Variants in TFDP1 observed in about 807,000 individuals in gnomAD.
The protein encoded by TFDP1 is DRTF1-polypeptide 1.
A neutral mutation model predicts 48.0 loss-of-function variants in TFDP1; 6 were observed. The observed-to-expected ratio is 0.13, with a 90% CI of 0.07 to 0.25. The LOEUF is 0.25. Ranked by LOEUF, TFDP1 falls within the 10% of genes least tolerant of loss-of-function variation. TFDP1 has a pLI of 1.00. For missense variants in TFDP1, 335 were observed against 543.0 expected, an observed-to-expected ratio of 0.62 and a Z score of 3.81; for synonymous variants, 201 against 211.6, an observed-to-expected ratio of 0.95 and a Z score of 0.44.
chr13:113,593,992 G>T (rs562733114), intron 2 of TFDP1, among the ~76,000 whole-genome samples: 43 of 143,822 alleles, frequency 3.0e-4, no homozygotes, highest in African/African-American at 1.1e-3. Flanking sequence ...GCTGTGTGTG[G>T]GTCCTCACCC....
chr13:113,610,696 A>G (rs984395914), intron 2 of TFDP1, among the ~76,000 whole-genome samples: 69 of 152,236 alleles, frequency 4.5e-4, no homozygotes, highest in African/African-American at 1.5e-3. Context: ...TTAACATTCT[A>G]TTGTGAACAT....
intron 3 of TFDP1, among the ~76,000 whole-genome samples, chr13:113,613,513 G>C (rs1370702756): frequency 2.0e-5 from 3 of 152,218 alleles, no homozygotes; most frequent in Non-Finnish European, 4.4e-5. Context: ...ATGTGTCTGT[G>C]TCAATATGTG....
At chr13:113,603,926 C>T (rs986819376) in intron 2 of TFDP1, among the ~76,000 whole-genome samples, 1 of 151,982 alleles carries the variant, frequency 6.6e-6, no homozygotes, top group African/African-American at 2.4e-5. Flanking sequence ...CTAGGCCAGG[C>T]GTGGTAGCTT....
In TFDP1 at chr13:113,634,047, C is replaced by G; in HGVS notation, c.618+14C>G. 1.9e-6 allele frequency: 3 copies of G among 1,614,144 alleles called. No individual in the cohort carries two copies. The highest frequency in any genetic ancestry group is 1.1e-5 in the South Asian group (1 of 91,082). On this transcript the variant is annotated intron_variant, in intron 7 of 11. Coordinates refer to ENST00000375370, the MANE Select transcript of TFDP1 (RefSeq NM_007111.5). ...CAGAACTTAGAGGTGCCCCTTCAGC[C>G]TTCCTTCAACCTTGATTTCCCTTCA...
intron 4 of TFDP1, among the ~76,000 whole-genome samples, chr13:113,624,935 GTC>G (rs1173232118): frequency 7.5e-6 from 1 of 133,704 alleles, no homozygotes; most frequent in Non-Finnish European, 1.6e-5. Flanking sequence ...TTTCTCAGGT[GTC>G]TCTCACATGT....
intron 4 of TFDP1, among the ~76,000 whole-genome samples, chr13:113,624,239 T>C (rs2049064575): frequency 6.6e-6 from 1 of 152,154 alleles, no homozygotes; most frequent in Admixed American, 6.5e-5. Context: ...GGCCCAGTCC[T>C]CTTAAAAGGA....
chr13:113,636,271 G>A, intron 9 of TFDP1, 143 bp downstream of exon 9: 1 of 1,232,000 alleles, frequency 8.1e-7, no homozygotes. Context: ...GGGGGGTGGT[G>A]GGAGGCTGCC....
At chr13:113,626,947 A>G (rs978212989) in intron 4 of TFDP1, among the ~76,000 whole-genome samples, 1 of 152,160 alleles carries the variant, frequency 6.6e-6, no homozygotes, top group Admixed American at 6.5e-5. Context: ...GAATGAGAAG[A>G]TTATCTTATT....
chr13:113,605,854 C>T (rs2048551217), intron 2 of TFDP1, among the ~76,000 whole-genome samples: 1 of 143,704 alleles, frequency 7.0e-6, no homozygotes, highest in African/African-American at 2.9e-5. Context: ...TGGTGAGTGT[C>T]CGCAGGGGAT....
At chr13:113,637,327 CAGA>C in intron 10 of TFDP1, 2 of 309,914 alleles carry the variant, frequency 6.5e-6, no homozygotes, top group South Asian at 2.8e-5. Flanking sequence ...CTGAGAGGGT[CAGA>C]GATTCCTCCC....
At position 113,606,660 on chromosome 13, in the gene TFDP1, G is replaced by T. The variant is rs80279342; in HGVS notation, c.13-4336G>T. Among the ~76,000 whole-genome samples the T allele has an allele frequency of 1.6e-4, 24 of 152,298 alleles. No individual in the cohort carries two copies. The East Asian group carries it at 4.4e-3, about 28-fold the overall frequency. On this transcript the variant is annotated intron_variant, in intron 2 of 11. Transcript: ENST00000375370. ...CGTCTCCCCAGTTCACCTGCCTCCA[G>T]TGCTGGTTTATAGAACATTTGTGTG...
chr13:113,610,651 T>C (rs1239791323), intron 2 of TFDP1, among the ~76,000 whole-genome samples: 1 of 152,264 alleles, frequency 6.6e-6, no homozygotes, highest in Non-Finnish European at 1.5e-5. Context: ...TGTGTGGCTG[T>C]ACTCTTACCT....
chr13:113,597,876 G>C (rs780269962), intron 2 of TFDP1, among the ~76,000 whole-genome samples: 58 of 152,194 alleles, frequency 3.8e-4, no homozygotes, highest in Non-Finnish European at 7.5e-4. Flanking sequence ...GTTGCACAGA[G>C]GGGCCCTGGC....
chr13:113,623,566 C>T lies in TFDP1; in HGVS notation c.186+280C>T, dbSNP rs572248823. On this transcript the variant is annotated intron_variant, in intron 4 of 11. Transcript: ENST00000375370. This position sits in a 1 kb window ranked among gnomAD's most constrained non-coding sequence, Gnocchi z 5.2. ...AACTGGAGGGTGGTGGGTGGGGCCG[C>T]GGCCCCAACCAGAGGCAGCTTCCTT... Among the ~76,000 whole-genome samples the T allele has an allele frequency of 3.9e-5, 6 of 152,144 alleles. No individual in the cohort carries two copies. The highest frequency in any genetic ancestry group is 1.9e-4 in the East Asian group (1 of 5,148).
intron 2 of TFDP1, among the ~76,000 whole-genome samples, chr13:113,586,635 T>TG (rs2048011344): frequency 6.6e-6 from 1 of 152,238 alleles, no homozygotes; most frequent in African/African-American, 2.4e-5. Context: ...AGTCCGCACA[T>TG]GCTGCCTCTG....
chr13:113,629,464 T>C (rs7331904), intron 4 of TFDP1, among the ~76,000 whole-genome samples: 238 of 152,326 alleles, frequency 1.6e-3, no homozygotes, highest in African/African-American at 5.4e-3. Context: ...GACTTTAAGA[T>C]GGTCCAAAAG....
intron 4 of TFDP1, among the ~76,000 whole-genome samples, chr13:113,626,539 C>T (rs541927215): frequency 4.9e-4 from 74 of 152,114 alleles, no homozygotes; most frequent in Non-Finnish European, 4.1e-4. Context: ...CCCCCCTCCC[C>T]GTGTGTGCTC....
intron 11 of TFDP1, among the ~76,000 whole-genome samples, chr13:113,638,389 T>C (rs2049553660): frequency 6.6e-6 from 1 of 151,974 alleles, no homozygotes; most frequent in African/African-American, 2.4e-5. Context: ...TCTATGGTCA[T>C]AGCGCATGTA....
intron 4 of TFDP1, among the ~76,000 whole-genome samples, chr13:113,628,312 T>C (rs1255060177): frequency 1.3e-5 from 2 of 152,214 alleles, no homozygotes; most frequent in African/African-American, 2.4e-5. Context: ...TCTGGAGCCA[T>C]GTAGACTGTG....
Sources: allele counts gnomAD v4.1 joint callset (sites outside exome capture counted in the v4.1 genomes callset), GRCh38; gene constraint gnomAD v4.1.1; non-coding constraint Gnocchi (gnomAD v3.1); transcripts MANE v1.5; gene names NCBI Gene and HGNC (gene_info 2026-07-23, HGNC 2026-07-21).